Variants in ZFHX3 observed in about 807,000 individuals in gnomAD.
The protein encoded by ZFHX3 is zinc finger homeobox 3, also known as zinc finger homeobox protein 3.
A neutral mutation model predicts 279.1 loss-of-function variants in ZFHX3; 42 were observed. The observed-to-expected ratio is 0.15, with a 90% CI of 0.12 to 0.19. The LOEUF is 0.19. ZFHX3 is among the 10% of genes least tolerant of loss of function. The pLI is 1.00. For synonymous variants in ZFHX3, 2,293 were observed against 1,957.8 expected, an observed-to-expected ratio of 1.17 and a Z score of -4.52; for missense variants, 4,981 against 4,754.0, an observed-to-expected ratio of 1.05 and a Z score of -1.40.
intron 2 of ZFHX3, among the ~76,000 whole-genome samples, chr16:73,495,482 C>G (rs1806843021): frequency 6.6e-6 from 1 of 152,200 alleles, no homozygotes; most frequent in South Asian, 2.1e-4. Context: ...CCTCCTTGTT[C>G]TGGTCTGCTA....
At chr16:73,834,858 CCAGCCTGGCGACAGTACGAGACTT>C (rs1961094669) in intron 1 of ZFHX3, among the ~76,000 whole-genome samples, 1 of 152,130 alleles carries the variant, frequency 6.6e-6, no homozygotes, top group African/African-American at 2.4e-5. Flanking sequence ...CCACGGCATT[CCAGCCTGGCGACAGTACGAGACTT>C]CGTCTCAAAA....
At position 72,867,898 on chromosome 16, in the gene ZFHX3, T is replaced by A. The variant is rs1014866017; in HGVS notation, c.3448+21833A>T. On this transcript the variant is annotated intron_variant, in intron 4 of 9. Transcript: ENST00000268489. ...AAAGGGTGTTTGTGGAGGCCAAAAATGGTGACAATATCAAGAGCCGCACAG... is the reference window on the plus strand; with the variant it reads ...AAAGGGTGTTTGTGGAGGCCAAAAAAGGTGACAATATCAAGAGCCGCACAG... Among the ~76,000 whole-genome samples, 3 of 152,190 alleles carry A rather than the reference T, an allele frequency of 2.0e-5. No homozygotes were observed. In the East Asian group the frequency reaches 5.8e-4, roughly 29 times the overall value.
intron 4 of ZFHX3, among the ~76,000 whole-genome samples, chr16:72,837,716 T>G (rs1452059441): frequency 6.6e-6 from 1 of 151,876 alleles, no homozygotes; most frequent in Admixed American, 6.6e-5. Flanking sequence ...TCCTCCTTCC[T>G]TGACCTCCTG....
chr16:73,640,825 T>G (rs986004772), intron 2 of ZFHX3, among the ~76,000 whole-genome samples: 1 of 151,852 alleles, frequency 6.6e-6, no homozygotes, highest in Non-Finnish European at 1.5e-5. Flanking sequence ...ACACAAAAAC[T>G]TCAGATTAAA....
At chr16:73,855,625 A>G (rs1015535019) in intron 1 of ZFHX3, among the ~76,000 whole-genome samples, 4 of 152,236 alleles carry the variant, frequency 2.6e-5, no homozygotes, top group African/African-American at 9.6e-5. Context: ...TTTATAGACA[A>G]GAGTGAAAAA....
At chr16:72,950,341 T>G in intron 3 of ZFHX3, 128 bp downstream of exon 3, 1 of 1,434,498 alleles carries the variant, frequency 7.0e-7, no homozygotes, top group Non-Finnish European at 9.3e-7. Context: ...CAACTCCAGG[T>G]TCCCAACCAA....
intron 2 of ZFHX3, among the ~76,000 whole-genome samples, chr16:73,538,860 T>C (rs1437205136): frequency 1.3e-5 from 2 of 152,204 alleles, no homozygotes; most frequent in South Asian, 2.1e-4. Flanking sequence ...ATGTCTTGGA[T>C]AGGTCAGTGC....
chr16:72,917,591 A>T (rs973832579), intron 3 of ZFHX3, among the ~76,000 whole-genome samples: 4 of 152,242 alleles, frequency 2.6e-5, no homozygotes, highest in Non-Finnish European at 5.9e-5. Flanking sequence ...ACATCTAGTG[A>T]CATCCAAAAA....
At chr16:73,757,095 G>T (rs1270150115) in intron 1 of ZFHX3, among the ~76,000 whole-genome samples, 1 of 152,158 alleles carries the variant, frequency 6.6e-6, no homozygotes, top group African/African-American at 2.4e-5. Flanking sequence ...CTGAAGAACA[G>T]CTGTGGGAAT....
intron 2 of ZFHX3, among the ~76,000 whole-genome samples, chr16:73,482,598 CAA>C (rs1283344598): frequency 1.3e-5 from 2 of 152,168 alleles, no homozygotes; most frequent in Admixed American, 6.5e-5. Flanking sequence ...TGCAATCCCG[CAA>C]AGAGTGAAGC....
At chr16:73,505,620 G>A (rs953380149) in intron 2 of ZFHX3, among the ~76,000 whole-genome samples, 2 of 151,740 alleles carry the variant, frequency 1.3e-5, no homozygotes, top group African/African-American at 4.8e-5. Flanking sequence ...GTCAGGGTAA[G>A]AATGAAACAA....
chr16:73,748,989 T>C (rs1567397300), intron 1 of ZFHX3, among the ~76,000 whole-genome samples: 2 of 152,068 alleles, frequency 1.3e-5, no homozygotes, highest in African/African-American at 4.8e-5. Flanking sequence ...GGTTTCACCA[T>C]GTTGGCCAGG....
At chr16:72,845,346 C>T (rs1475037592) in intron 4 of ZFHX3, among the ~76,000 whole-genome samples, 1 of 152,172 alleles carries the variant, frequency 6.6e-6, no homozygotes, top group African/African-American at 2.4e-5. Context: ...TTATTTCCCT[C>T]AATTATGTGC....
chr16:73,006,988 T>C (rs189111117), intron 1 of ZFHX3, among the ~76,000 whole-genome samples: 2 of 152,342 alleles, frequency 1.3e-5, no homozygotes, highest in East Asian at 3.9e-4. Flanking sequence ...AAAGACCCAA[T>C]TTTTTCCCCA....
intron 1 of ZFHX3, among the ~76,000 whole-genome samples, chr16:73,774,349 G>A (rs1043838924): frequency 6.6e-6 from 1 of 152,092 alleles, no homozygotes; most frequent in African/African-American, 2.4e-5. Flanking sequence ...AGAGAAAGGG[G>A]ATTTGAGCTC....
chr16:72,986,882 A>C (rs1360583663), intron 1 of ZFHX3, among the ~76,000 whole-genome samples: 5 of 152,190 alleles, frequency 3.3e-5, no homozygotes, highest in African/African-American at 1.2e-4. Context: ...GCAGTGGCTC[A>C]TACCTGTAAT....
chr16:73,263,142 T>C (rs2013871376), intron 4 of ZFHX3, among the ~76,000 whole-genome samples: 1 of 152,112 alleles, frequency 6.6e-6, no homozygotes, highest in African/African-American at 2.4e-5. Context: ...ACAAACCCAA[T>C]GATAGCCTCT....
At chr16:73,534,805 A>T (rs970942575) in intron 2 of ZFHX3, among the ~76,000 whole-genome samples, 1 of 152,198 alleles carries the variant, frequency 6.6e-6, no homozygotes, top group Non-Finnish European at 1.5e-5. Flanking sequence ...TCAGATGTAA[A>T]GACAAATGAA....
Position 72,959,981 on chromosome 16 carries a change from G to T in ZFHX3, c.165C>A (p.Ala55=), listed in dbSNP as rs759215544. 1 of 1,612,368 alleles carries T rather than the reference G, an allele frequency of 6.2e-7. No homozygotes were observed. Among genetic ancestry groups the T allele is most frequent in the African/African-American group, 1.3e-5 (1 of 75,000 alleles). ...ESHGPLDSLR[A]PFNERLAEST... is the part of the protein sequence containing the mutation. ...TCTCCGCGAGGCGCTCATTGAAGGG[G>T]GCCCTCAGGCTGTCCAAGGGCCCGT... Residue 55 remains alanine, a synonymous_variant, in exon 2 of 10, where the codon GCC becomes GCA. Transcript: ENST00000268489.
Sources: allele counts gnomAD v4.1 joint callset (sites outside exome capture counted in the v4.1 genomes callset), GRCh38; gene constraint gnomAD v4.1.1; transcripts MANE v1.5; gene names NCBI Gene and HGNC (gene_info 2026-07-23, HGNC 2026-07-21).